The following MGMT variants were observed in gnomAD, a reference collection of about 807,000 sequenced individuals.
The protein encoded by MGMT is O-6-methylguanine-DNA methyltransferase.
A neutral mutation model predicts 15.9 loss-of-function variants in MGMT; 14 were observed. That is an observed-to-expected ratio of 0.88 (90% CI 0.58 to 1.37). MGMT has a LOEUF of 1.37. MGMT is among the 40% of genes most tolerant of loss of function. The pLI is 0.00. For missense variants in MGMT, 282 were observed against 268.1 expected (o/e 1.05, Z -0.36); for synonymous variants, 130 against 118.2 (o/e 1.10, Z -0.65).
At chr10:129,672,476 G>T (rs905545492) in intron 2 of MGMT, among the ~76,000 whole-genome samples, 1 of 152,138 alleles carries the variant, frequency 6.6e-6, no homozygotes, top group South Asian at 2.1e-4. Context: ...ACCCATTTAC[G>T]CATCGGTACA....
At chr10:129,662,467 A>G (rs149250160) in intron 2 of MGMT, among the ~76,000 whole-genome samples, 106 of 152,290 alleles carry the variant, frequency 7.0e-4, no homozygotes, top group African/African-American at 2.2e-3. Flanking sequence ...ATACACACAA[A>G]GGTACCACTA....
intron 3 of MGMT, among the ~76,000 whole-genome samples, chr10:129,756,629 C>G (rs1310565492): frequency 6.6e-6 from 1 of 152,190 alleles, no homozygotes; most frequent in African/African-American, 2.4e-5. Flanking sequence ...ACCACCACGC[C>G]TGGCTAATTT....
chr10:129,632,704 G>C (rs1003610346), intron 2 of MGMT, among the ~76,000 whole-genome samples: 1 of 152,140 alleles, frequency 6.6e-6, no homozygotes, highest in African/African-American at 2.4e-5. Flanking sequence ...CTGGAGTTTG[G>C]GGGAGAGAGG....
intron 2 of MGMT, among the ~76,000 whole-genome samples, chr10:129,697,294 A>C (rs1848043088): frequency 6.6e-6 from 1 of 152,228 alleles, no homozygotes; most frequent in Admixed American, 6.5e-5. Flanking sequence ...TATGCCATCA[A>C]GGGCAGAGCA....
chr10:129,500,009 C>A (rs1475300546), intron 1 of MGMT, among the ~76,000 whole-genome samples: 1 of 152,186 alleles, frequency 6.6e-6, no homozygotes, highest in African/African-American at 2.4e-5. Context: ...CCTGAAAATT[C>A]ACCTACTGTA....
At chr10:129,665,463 T>TA (rs1411108093) in intron 2 of MGMT, among the ~76,000 whole-genome samples, 1 of 151,888 alleles carries the variant, frequency 6.6e-6, no homozygotes, top group East Asian at 1.9e-4. Flanking sequence ...AGACAATTGA[T>TA]ACATACAACA....
intron 2 of MGMT, among the ~76,000 whole-genome samples, chr10:129,619,667 T>C (rs1309931297): frequency 6.6e-6 from 1 of 152,258 alleles, no homozygotes. Context: ...ATTAAGATTT[T>C]GAATTTCTTC....
chr10:129,676,532 C>T (rs947103358), intron 2 of MGMT, among the ~76,000 whole-genome samples: 7 of 152,176 alleles, frequency 4.6e-5, no homozygotes, highest in African/African-American at 9.6e-5. Flanking sequence ...ATCAGCAAGA[C>T]GACGTGTTTG....
intron 1 of MGMT, among the ~76,000 whole-genome samples, chr10:129,508,816 G>A (rs1203583949): frequency 6.6e-6 from 1 of 151,998 alleles, no homozygotes; most frequent in Admixed American, 6.5e-5. Context: ...CAAAGTGCTG[G>A]GATTACAGGC....
At chr10:129,551,776 A>G (rs1027761721) in intron 2 of MGMT, among the ~76,000 whole-genome samples, 1 of 152,196 alleles carries the variant, frequency 6.6e-6, no homozygotes, top group Non-Finnish European at 1.5e-5. Context: ...ACTCTTCAGC[A>G]GACCGGTGGA....
intron 1 of MGMT, among the ~76,000 whole-genome samples, chr10:129,498,600 C>G (rs1452550699): frequency 6.6e-6 from 1 of 152,164 alleles, no homozygotes; most frequent in Non-Finnish European, 1.5e-5. Flanking sequence ...AATTTTGTTA[C>G]TCAAATAGCC....
intron 3 of MGMT, among the ~76,000 whole-genome samples, chr10:129,737,839 G>C (rs1047925500): frequency 1.3e-5 from 2 of 152,182 alleles, no homozygotes; most frequent in Non-Finnish European, 2.9e-5. Flanking sequence ...TGGCCCTGCT[G>C]GGGGGTGCCT....
chr10:129,623,975 A>G lies in MGMT; in HGVS notation c.126-83920A>G, dbSNP rs1012646512. ...GTGCCCTTCCCAAGGGCTTGGAGAC[A>G]CCCTCTCCCTGCTAGCCCCGTGCAG... On this transcript the variant is annotated intron_variant, in intron 2 of 4. Transcript: ENST00000651593. Among the ~76,000 whole-genome samples, 5 of 152,240 alleles carry G rather than the reference A, an allele frequency of 3.3e-5. No individual in the cohort carries two copies. The East Asian group carries it at 5.8e-4, about 18-fold the overall frequency.
At chr10:129,619,971 G>A (rs1847072737) in intron 2 of MGMT, among the ~76,000 whole-genome samples, 1 of 152,138 alleles carries the variant, frequency 6.6e-6, no homozygotes, top group Non-Finnish European at 1.5e-5. Flanking sequence ...TAAGATAGAA[G>A]CAGTGGGTCC....
At position 129,635,706 on chromosome 10, in the gene MGMT, C is replaced by T. The variant is rs193007389; in HGVS notation, c.126-72189C>T. On this transcript the variant is annotated intron_variant, in intron 2 of 4. Transcript: ENST00000651593. The stretch of plus-strand genomic sequence containing the variant: ...TGCTTCCCCTAAACTTTCTGATCAT[C>T]GATAGCACTTTTTGAGGCAGGGAGC... 3.7e-3 allele frequency among the ~76,000 whole-genome samples: 557 copies of T among 152,288 alleles called. 2 individuals carry two copies. The highest frequency in any genetic ancestry group is 7.6e-3 in the Admixed American group (116 of 15,298).
intron 1 of MGMT, among the ~76,000 whole-genome samples, chr10:129,509,250 A>G (rs918899192): frequency 6.6e-6 from 1 of 152,096 alleles, no homozygotes; most frequent in African/African-American, 2.4e-5. Context: ...GTTTCCTTTC[A>G]TGATGGTTTA....
In MGMT at chr10:129,620,341, G is replaced by C. The variant is rs189399620; in HGVS notation, c.125+83964G>C. 4.6e-5 allele frequency among the ~76,000 whole-genome samples: 7 copies of C among 152,306 alleles called. No homozygotes were observed. The South Asian group carries it at 1.4e-3, about 32-fold the overall frequency. On this transcript the variant is annotated intron_variant, in intron 2 of 4. Coordinates refer to ENST00000651593, the MANE Select transcript of MGMT (RefSeq NM_002412.5). The stretch of plus-strand genomic sequence containing the variant: ...TGTGTGCAGTCTTCTATAAATGTAC[G>C]TTGGGTCAGGTTGTTTTGGCGTGTT...
At chr10:129,534,215 G>A (rs1441296519) in intron 1 of MGMT, among the ~76,000 whole-genome samples, 1 of 152,158 alleles carries the variant, frequency 6.6e-6, no homozygotes, top group Non-Finnish European at 1.5e-5. Context: ...CTGCCACATG[G>A]TAAGTGGAAG....
intron 2 of MGMT, among the ~76,000 whole-genome samples, chr10:129,655,714 C>A (rs1056503347): frequency 6.6e-6 from 1 of 152,144 alleles, no homozygotes. Context: ...GGGAGCTGTT[C>A]CTCAGTATAG....
Sources: gnomAD v4.1 joint callset for allele counts (sites outside exome capture counted in the v4.1 genomes callset) on GRCh38, gnomAD v4.1.1 for gene constraint, MANE v1.5 for transcripts, NCBI Gene and HGNC (gene_info 2026-07-23, HGNC 2026-07-21) for gene names.